XPC: variants seen among roughly 807,000 people sequenced by gnomAD.
XPC encodes XPC complex subunit, DNA damage recognition and repair factor.
Under a neutral mutation model 95.8 loss-of-function variants are expected in XPC, and 76 were observed. The observed-to-expected ratio is 0.79, with a 90% CI of 0.66 to 0.96. XPC has a LOEUF of 0.96. XPC is among the 40% of genes least tolerant of loss of function. The pLI is 0.00. For missense variants in XPC, 1,146 were observed against 1,179.8 expected (o/e 0.97, Z 0.42); for synonymous variants, 442 against 442.1 (o/e 1.00, Z 0.00).
intron 5 of XPC, 181 bp from the exon 6 acceptor site, chr3:14,165,766 C>G (rs1407221031): frequency 1.5e-6 from 1 of 649,878 alleles, no homozygotes; most frequent in Non-Finnish European, 2.6e-6. Context: ...CTCTCTTTTT[C>G]TCTCTGTATA....
At chr3:14,149,013 C>G in intron 11 of XPC, 65 bp from the exon 12 acceptor site, 1 of 1,597,568 alleles carries the variant, frequency 6.3e-7, no homozygotes, top group Non-Finnish European at 8.6e-7. Context: ...CCGGGCCAGG[C>G]ACCATGCTCA....
intron 7 of XPC, among the ~76,000 whole-genome samples, chr3:14,164,090 A>G (rs538870260): frequency 1.3e-5 from 2 of 151,922 alleles, no homozygotes; most frequent in Non-Finnish European, 2.9e-5. Flanking sequence ...GCAGCACATT[A>G]TAACATAATT....
In XPC at chr3:14,158,984, C is replaced by T; in HGVS notation, c.991-92G>A. On this transcript the variant is annotated intron_variant, in intron 8 of 15. Coordinates refer to ENST00000285021, the MANE Select transcript of XPC (RefSeq NM_004628.5). This position sits in a 1 kb window ranked among gnomAD's most constrained non-coding sequence, Gnocchi z 5.2. Reference sequence around the variant, plus strand: ...CCTGTAATCTAATAGGGTTAAGTCACCAGCTAGAGAACCAATACATCAAGA... The same window carrying T: ...CCTGTAATCTAATAGGGTTAAGTCATCAGCTAGAGAACCAATACATCAAGA... The T allele has an allele frequency of 6.6e-7, 1 of 1,525,146 alleles. No individual in the cohort carries two copies. Among genetic ancestry groups the T allele is most frequent in the South Asian group, 1.2e-5 (1 of 86,358 alleles). 94.5% of individuals were successfully genotyped at this position (1,525,146 alleles called of 1,614,324 possible). A position where few individuals can be genotyped will look rare whatever the true frequency, so the allele number is the denominator to read the frequency against.
chr3:14,147,494 C>CCT, intron 14 of XPC, 115 bp from the exon 15 acceptor site: 1 of 1,011,200 alleles, frequency 9.9e-7, no homozygotes, highest in Non-Finnish European at 1.5e-6. Context: ...TAGAATATAG[C>CCT]CTCTCCTTCA....
At chr3:14,164,493 G>T in intron 7 of XPC, 1 of 222,906 alleles carries the variant, frequency 4.5e-6, no homozygotes. Flanking sequence ...GACAAAATTG[G>T]AAAAATTAAT....
rs770597978 is a variant in XPC, at chr3:14,148,937, G to C, written c.2127C>G (p.Gly709=). 4 of 1,613,984 alleles carry C rather than the reference G, an allele frequency of 2.5e-6. No individual in the cohort carries two copies. Among genetic ancestry groups the C allele is most frequent in the Non-Finnish European group, 2.5e-6 (3 of 1,179,882 alleles). ...GGGCTTTCCGAGCACGGTTAGAAAA[G>C]CCTTTCACCATCTGCACCAGAGGAC... is the stretch of plus-strand genomic sequence containing the variant. ...LGEVPYKMVK[G]FSNRARKARL... The change falls in exon 12 of 16, where the codon GGC becomes GGG. Residue 709 remains glycine (G), a synonymous_variant. Transcript: ENST00000285021.
chr3:14,158,337 C>T lies in XPC; in HGVS notation c.1546G>A (p.Asp516Asn), dbSNP rs769474335. ...CTTCTTTTTTCTGCCTTCTCACCATCGCTGCACATTTTCTTGCCTCTTTTA... is the reference window on the plus strand; with the variant it reads ...CTTCTTTTTTCTGCCTTCTCACCATTGCTGCACATTTTCTTGCCTCTTTTA... ...SSKRGKKMCS[D>N]GEKAEKRSIA... The change falls in exon 9 of 16, where the codon GAT becomes AAT. Residue 516 changes from aspartate to asparagine, a missense_variant. Transcript: ENST00000285021. This position sits in a 1 kb window ranked among gnomAD's most constrained non-coding sequence, Gnocchi z 5.2. 9 of 1,613,868 alleles carry T rather than the reference C, an allele frequency of 5.6e-6. No individual in the cohort carries two copies. The highest frequency in any genetic ancestry group is 2.7e-5 in the African/African-American group (2 of 74,922).
In XPC at chr3:14,158,500, T is replaced by C. The variant is rs755319413; in HGVS notation, c.1383A>G (p.Glu461=). Residue 461 remains glutamate (E), a synonymous_variant, in exon 9 of 16, where the codon GAA becomes GAG. Transcript: ENST00000285021. The surrounding 1 kb of genome is among the most constrained non-coding windows in gnomAD (Gnocchi z 5.2). ...CTTTCCTCTGCTTTGGAGGGCCAGG[T>C]TCGGAATCCTCATCAGAGGGATCAG... is the stretch of plus-strand genomic sequence containing the variant. ...EASDPSDEDS[E]PGPPKQRKAP... 4.3e-6 allele frequency: 7 copies of C among 1,612,044 alleles called. No homozygotes were observed. The Admixed American group carries it at 1.2e-4, about 27-fold the overall frequency.
rs187788319 is a variant in XPC, at chr3:14,164,105, G to T, written c.900+708C>A. ...GCAGCACATTATAACATAATTATCA[G>T]CCTTGCCAAATATCTTAGACTTGTT... is the stretch of plus-strand genomic sequence containing the variant. On this transcript the variant is annotated intron_variant, in intron 7 of 15. Transcript: ENST00000285021. Among the ~76,000 whole-genome samples, 196 of 151,644 alleles carry T rather than the reference G, an allele frequency of 1.3e-3. 1 individual carries two copies. Among genetic ancestry groups the T allele is most frequent in the Admixed American group, 2.4e-3 (36 of 15,272 alleles).
At chr3:14,146,900 A>G (rs1043589440) in intron 15 of XPC, among the ~76,000 whole-genome samples, 1 of 152,178 alleles carries the variant, frequency 6.6e-6, no homozygotes, top group Non-Finnish European at 1.5e-5. Flanking sequence ...AGGTGCTGTG[A>G]GAGAGGTACT....
rs1393188130 is a variant in XPC, at chr3:14,147,993, C to A, written c.2429G>T (p.Gly810Val). The change falls in exon 14 of 16, where the codon GGA (glycine) becomes GTA (valine). Residue 810 changes from glycine (G) to valine (V), a missense_variant. By Grantham distance (109) the Gly-to-Val change is moderately radical (BLOSUM62 -3). Coordinates refer to ENST00000285021, the MANE Select transcript of XPC (RefSeq NM_004628.5). ...TTTGAATTCCTCGCAGACGATGTAT[C>A]CATCAGTCCTGTGGGGACACAACGC... The part of the protein sequence containing the change: ...HGGYSHPVTD[G>V]YIVCEEFKDV... 2 of 1,585,318 alleles carry A rather than the reference C, an allele frequency of 1.3e-6. No homozygotes were observed. Among genetic ancestry groups the A allele is most frequent in the South Asian group, 2.3e-5 (2 of 86,996 alleles).
At chr3:14,159,651 C>T in intron 8 of XPC, 90 bp downstream of exon 8, 1 of 1,301,308 alleles carries the variant, frequency 7.7e-7, no homozygotes, top group East Asian at 2.5e-5. Flanking sequence ...TGAATACCAG[C>T]TCTTAAAAAA....
chr3:14,147,684 T>C, intron 14 of XPC: 5 of 597,910 alleles, frequency 8.4e-6, no homozygotes, highest in Non-Finnish European at 1.5e-5. Context: ...GCAGGGGCAG[T>C]AGACCCCAGA....
rs2125004057 is a variant in XPC at position 14,145,872 on chromosome 3, C to A, written c.*69G>T. 1 of 1,553,254 alleles carries A rather than the reference C, an allele frequency of 6.4e-7. No homozygotes were observed. Among genetic ancestry groups the A allele is most frequent in the Non-Finnish European group, 8.8e-7 (1 of 1,140,466 alleles). On this transcript the variant is annotated 3_prime_UTR_variant, in exon 16 of 16. Transcript: ENST00000285021. ...CCCCACCACCAGGGGCTGGGCATGCCCAGGGCAGGTGTGGGGCCTGTAGTG... is the reference window on the plus strand; with the variant it reads ...CCCCACCACCAGGGGCTGGGCATGCACAGGGCAGGTGTGGGGCCTGTAGTG...
chr3:14,168,427 A>C, intron 3 of XPC, 47 bp from the exon 4 acceptor site: 1 of 1,606,428 alleles, frequency 6.2e-7, no homozygotes, highest in Non-Finnish European at 8.5e-7. Flanking sequence ...TAACAATAAT[A>C]ATAGCTACTG....
chr3:14,167,287 G>C (rs55644336), intron 4 of XPC, 34 bp from the exon 5 acceptor site: 181 of 1,580,370 alleles, frequency 1.1e-4, no homozygotes, highest in Middle Eastern at 6.7e-4. Context: ...GGGAATGAAG[G>C]GGGGAACTGA....
Position 14,148,899 on chromosome 3 carries a change from G to A in XPC, c.2165C>T (p.Pro722Leu), listed in dbSNP as rs753955568. 1 of 1,613,802 alleles carries A rather than the reference G, an allele frequency of 6.2e-7. No homozygotes were observed. Among genetic ancestry groups the A allele is most frequent in the African/African-American group, 1.3e-5 (1 of 74,880 alleles). Residue 722 changes from proline (P) to leucine (L), a missense_variant, in exon 12 of 16, where the codon CCC (proline) becomes CTC (leucine). By Grantham distance (98) the Pro-to-Leu change is moderately conservative. Coordinates refer to ENST00000285021, the MANE Select transcript of XPC (RefSeq NM_004628.5). ...CAGGTCATTTTCTTCCCGCAGCTGGGGCTCAGCAAGTCGGGCTTTCCGAGC... is the reference window on the plus strand; with the variant it reads ...CAGGTCATTTTCTTCCCGCAGCTGGAGCTCAGCAAGTCGGGCTTTCCGAGC... ...NRARKARLAEPQLREENDLGL... is the reference protein window; with the variant it reads ...NRARKARLAELQLREENDLGL...
chr3:14,167,247 C>A lies in XPC; in HGVS notation c.543G>T (p.Lys181Asn), dbSNP rs754972616. 2 of 1,611,520 alleles carry A rather than the reference C, an allele frequency of 1.2e-6. No homozygotes were observed. The highest frequency in any genetic ancestry group is 1.7e-6 in the Non-Finnish European group (2 of 1,178,774). The change falls in exon 5 of 16, where the codon AAG becomes AAT. Residue 181 changes from lysine (K) to asparagine (N), a missense_variant. Coordinates refer to ENST00000285021, the MANE Select transcript of XPC (RefSeq NM_004628.5). ...GATATGTCTCAAACTCCAGTTTTAT[C>A]TTTTCACTGCAACAAATAGTGAAAA... The part of the protein sequence containing the change: ...EQAKTRERSE[K>N]IKLEFETYLR...
intron 7 of XPC, 47 bp from the exon 8 acceptor site, chr3:14,159,877 G>A: frequency 6.6e-7 from 1 of 1,504,634 alleles, no homozygotes. Context: ...AGTAATTAAA[G>A]ATGTAATGAG....
Sources: allele counts gnomAD v4.1 joint callset (sites outside exome capture counted in the v4.1 genomes callset), GRCh38; gene constraint gnomAD v4.1.1; non-coding constraint Gnocchi (gnomAD v3.1); transcripts MANE v1.5; gene names NCBI Gene and HGNC (gene_info 2026-07-23, HGNC 2026-07-21).